The following RNF38 variants were observed in gnomAD, a reference collection of about 807,000 sequenced individuals.
The protein encoded by RNF38 is E3 ubiquitin-protein ligase RNF38.
RNF38 carries 15 observed loss-of-function variants against 67.2 expected under a neutral mutation model. That is an observed-to-expected ratio of 0.22 (90% CI 0.15 to 0.34). The LOEUF (loss-of-function observed/expected upper bound fraction) is 0.34. Ranked by LOEUF, RNF38 falls within the 10% of genes least tolerant of loss-of-function variation. RNF38 has a pLI of 1.00. For missense variants in RNF38, 524 were observed against 639.9 expected, an observed-to-expected ratio of 0.82 and a Z score of 1.95; for synonymous variants, 220 against 218.8, an observed-to-expected ratio of 1.01 and a Z score of -0.05.
chr9:36,464,760 T>C (rs903862994), intron 1 of RNF38, among the ~76,000 whole-genome samples: 1 of 152,138 alleles, frequency 6.6e-6, no homozygotes, highest in African/African-American at 2.4e-5. Flanking sequence ...TAAATCTAAA[T>C]AACTGTGATC....
At chr9:36,387,305 G>T (rs1489961640) in intron 2 of RNF38, among the ~76,000 whole-genome samples, 1 of 152,092 alleles carries the variant, frequency 6.6e-6, no homozygotes, top group Non-Finnish European at 1.5e-5. Flanking sequence ...TCTGGATCAG[G>T]ACCCCTTTCT....
At chr9:36,429,198 A>G (rs1425541406) in intron 1 of RNF38, among the ~76,000 whole-genome samples, 2 of 152,220 alleles carry the variant, frequency 1.3e-5, no homozygotes, top group Non-Finnish European at 2.9e-5. Flanking sequence ...AAAAGTAAAA[A>G]AAGAATGAAA....
intron 1 of RNF38, among the ~76,000 whole-genome samples, chr9:36,486,379 T>C (rs1000522624): frequency 6.6e-6 from 1 of 152,132 alleles, no homozygotes; most frequent in Non-Finnish European, 1.5e-5. Context: ...AAGCCTGGGA[T>C]AGCTGTTCTT....
intron 8 of RNF38, among the ~76,000 whole-genome samples, chr9:36,351,665 A>C (rs1261950663): frequency 6.6e-6 from 1 of 152,212 alleles, no homozygotes; most frequent in East Asian, 1.9e-4. Flanking sequence ...AAGGAAGGAA[A>C]AACTATGACC....
In RNF38 at chr9:36,396,835, T is replaced by C. The variant is rs12685126; in HGVS notation, c.12+3262A>G. ...TTCTGGAAAACTGAGGTCCAAACACTGGGTAGAACTGACCCTCTGAGATGT... is the reference window on the plus strand; with the variant it reads ...TTCTGGAAAACTGAGGTCCAAACACCGGGTAGAACTGACCCTCTGAGATGT... On this transcript the variant is annotated intron_variant, in intron 1 of 11. Coordinates refer to ENST00000259605, the MANE Select transcript of RNF38 (RefSeq NM_022781.5). Among the ~76,000 whole-genome samples, 388 of 151,660 alleles carry C rather than the reference T, an allele frequency of 2.6e-3. 8 individuals carry two copies. In the East Asian group the frequency reaches 0.031, roughly 12 times the overall value.
chr9:36,460,777 C>T (rs1839709276), intron 1 of RNF38, among the ~76,000 whole-genome samples: 1 of 151,462 alleles, frequency 6.6e-6, no homozygotes, highest in African/African-American at 2.4e-5. Context: ...ATCCCAGCTA[C>T]TCAGGAGGCT....
chr9:36,413,181 G>T (rs1838372688), intron 2 of RNF38, among the ~76,000 whole-genome samples: 2 of 150,886 alleles, frequency 1.3e-5, no homozygotes, highest in South Asian at 4.2e-4. Context: ...AGTGAGCCAA[G>T]AATGCGCCAT....
chr9:36,379,879 A>T (rs914856451), intron 2 of RNF38, among the ~76,000 whole-genome samples: 11 of 152,264 alleles, frequency 7.2e-5, no homozygotes, highest in African/African-American at 2.4e-4. Context: ...ATGCAAATTC[A>T]TCTGACCTTG....
intron 2 of RNF38, among the ~76,000 whole-genome samples, chr9:36,416,138 G>C (rs1250629343): frequency 7.3e-6 from 1 of 137,830 alleles, no homozygotes; most frequent in Non-Finnish European, 1.5e-5. Flanking sequence ...GCCAGGTTAG[G>C]CATATCTGAG....
chr9:36,364,153 A>C (rs1350347240), intron 4 of RNF38, among the ~76,000 whole-genome samples: 2 of 151,904 alleles, frequency 1.3e-5, no homozygotes, highest in East Asian at 3.9e-4. Flanking sequence ...AAGTTGCATA[A>C]AGTGTGCCTG....
At chr9:36,452,603 A>G (rs943059824) in intron 1 of RNF38, among the ~76,000 whole-genome samples, 10 of 150,332 alleles carry the variant, frequency 6.7e-5, no homozygotes, top group African/African-American at 2.5e-4. Flanking sequence ...GCACAATCTC[A>G]GCTCGCTGCA....
intron 3 of RNF38, among the ~76,000 whole-genome samples, chr9:36,375,584 T>C (rs1327396143): frequency 6.6e-6 from 1 of 152,216 alleles, no homozygotes; most frequent in African/African-American, 2.4e-5. Flanking sequence ...GAGTAGCTCA[T>C]TTCTAAGACT....
At chr9:36,373,597 T>TC (rs2133825404) in intron 3 of RNF38, among the ~76,000 whole-genome samples, 1 of 151,358 alleles carries the variant, frequency 6.6e-6, no homozygotes, top group East Asian at 1.9e-4. Context: ...CCCTTTTTTT[T>TC]TTTTTTTTTT....
chr9:36,454,624 C>T (rs1194238763), intron 1 of RNF38, among the ~76,000 whole-genome samples: 1 of 147,364 alleles, frequency 6.8e-6, no homozygotes, highest in Non-Finnish European at 1.5e-5. Context: ...ACTCTGTCGC[C>T]CCGGCTGCAG....
rs982630494 is a variant in RNF38, at chr9:36,407,366, G to A, written n.313-16750C>T. ...TGAGAGATGACTTGGACTGAACCATGGTAGCTGGAATGACAGAGGGCAAGC... is the reference window on the plus strand; with the variant it reads ...TGAGAGATGACTTGGACTGAACCATAGTAGCTGGAATGACAGAGGGCAAGC... On this transcript the variant is annotated intron_variant and non_coding_transcript_variant, in intron 2 of 3. Coordinates refer to the RNF38 transcript ENST00000488058. Among the ~76,000 whole-genome samples the A allele has an allele frequency of 3.9e-5, 6 of 152,276 alleles. No homozygotes were observed. In the East Asian group the frequency reaches 5.8e-4, roughly 15 times the overall value.
At chr9:36,430,172 G>A (rs902901762) in intron 1 of RNF38, among the ~76,000 whole-genome samples, 1 of 152,124 alleles carries the variant, frequency 6.6e-6, no homozygotes, top group East Asian at 1.9e-4. Flanking sequence ...AAGAGAAGGT[G>A]TAATCAGAGA....
chr9:36,446,538 G>A (rs1839304418), intron 1 of RNF38, among the ~76,000 whole-genome samples: 3 of 152,122 alleles, frequency 2.0e-5, no homozygotes, highest in Admixed American at 6.6e-5. Context: ...CAGGCGCAGT[G>A]GCTCACGCCT....
At position 36,413,990 on chromosome 9, in the gene RNF38, T is replaced by C. The variant is rs369809000; in HGVS notation, n.312+10623A>G. On this transcript the variant is annotated intron_variant and non_coding_transcript_variant, in intron 2 of 3. Transcript: ENST00000488058. The stretch of plus-strand genomic sequence containing the variant: ...TTTTATCATTACATAATGTCCCTCC[T>C]TGTCTTTGTTAACTGTTACTGCTTT... Among the ~76,000 whole-genome samples, 113 of 152,346 alleles carry C rather than the reference T, an allele frequency of 7.4e-4. 2 individuals carry two copies. In the South Asian group the frequency reaches 0.022, roughly 30 times the overall value.
At chr9:36,380,442 T>C (rs765034310) in intron 2 of RNF38, among the ~76,000 whole-genome samples, 1 of 152,130 alleles carries the variant, frequency 6.6e-6, no homozygotes, top group Non-Finnish European at 1.5e-5. Context: ...TCAGGTGATC[T>C]GCCCGCCTTG....
Sources: gnomAD v4.1 joint callset for allele counts (sites outside exome capture counted in the v4.1 genomes callset) on GRCh38, gnomAD v4.1.1 for gene constraint, MANE v1.5 for transcripts, NCBI Gene and HGNC (gene_info 2026-07-23, HGNC 2026-07-21) for gene names.